THBS4: variants seen among roughly 807,000 people sequenced by gnomAD.
The protein encoded by THBS4 is thrombospondin 4.
In THBS4, 90 loss-of-function variants were observed where a neutral mutation model predicts 115.7. The ratio of observed to expected loss-of-function variants is 0.78; its 90% confidence interval spans 0.66 to 0.93. The LOEUF (loss-of-function observed/expected upper bound fraction) is 0.93. Among genes scored for constraint, THBS4 ranks in the 40% least tolerant of loss-of-function variants. THBS4 has a pLI of 0.00. For synonymous variants in THBS4, 460 were observed against 479.3 expected (o/e 0.96, Z 0.53); for missense variants, 1,087 against 1,232.7 (o/e 0.88, Z 1.77).
At chr5:80,026,185 A>G (rs949981948) in intron 2 of THBS4, among the ~76,000 whole-genome samples, 1 of 152,218 alleles carries the variant, frequency 6.6e-6, no homozygotes, top group Non-Finnish European at 1.5e-5. Context: ...TGAAATTTAT[A>G]TGAACCTGGA....
intron 2 of THBS4, among the ~76,000 whole-genome samples, chr5:80,024,512 C>T (rs576236592): frequency 1.3e-5 from 2 of 152,282 alleles, no homozygotes; most frequent in East Asian, 3.9e-4. Context: ...CTTTATTCAT[C>T]CAAGAGCGTA....
At chr5:79,996,854 A>T (rs1199742919) in intron 1 of THBS4, among the ~76,000 whole-genome samples, 3 of 152,194 alleles carry the variant, frequency 2.0e-5, no homozygotes, top group African/African-American at 7.2e-5. Flanking sequence ...TAAGGACCTT[A>T]TAATGGAAGT....
chr5:80,012,120 A>G (rs1329558110), intron 2 of THBS4, among the ~76,000 whole-genome samples: 1 of 151,988 alleles, frequency 6.6e-6, no homozygotes, highest in Non-Finnish European at 1.5e-5. Context: ...CCCTGAACCT[A>G]AAATAAAAAT....
intron 2 of THBS4, among the ~76,000 whole-genome samples, chr5:80,054,990 A>G (rs1392904043): frequency 2.6e-5 from 4 of 152,094 alleles, no homozygotes; most frequent in Non-Finnish European, 5.9e-5. Flanking sequence ...TTCCTTGTCC[A>G]TAGTTATTCC....
chr5:80,020,652 G>C (rs186789027), intron 2 of THBS4, among the ~76,000 whole-genome samples: 289 of 152,276 alleles, frequency 1.9e-3, no homozygotes, highest in African/African-American at 6.7e-3. Flanking sequence ...TGGTGTGATA[G>C]CAGCAGGCAG....
At chr5:80,073,353 G>GTCT (rs758085402) in intron 15 of THBS4, 26 bp downstream of exon 15, 1 of 1,609,364 alleles carries the variant, frequency 6.2e-7, no homozygotes, top group South Asian at 1.1e-5. Flanking sequence ...CAACTGCAGA[G>GTCT]AGACAGATGC....
At chr5:80,008,091 A>G (rs1832052642) in intron 2 of THBS4, among the ~76,000 whole-genome samples, 1 of 152,370 alleles carries the variant, frequency 6.6e-6, no homozygotes, top group African/African-American at 2.4e-5. Context: ...TGAAAATCAA[A>G]TTGGTATAAT....
intron 15 of THBS4, among the ~76,000 whole-genome samples, chr5:80,073,541 G>A (rs1743020430): frequency 6.6e-6 from 1 of 152,082 alleles, no homozygotes; most frequent in African/African-American, 2.4e-5. Context: ...CCGCTACCAT[G>A]CCTGGCTAAT....
At position 80,040,231 on chromosome 5, in the gene THBS4, TG is replaced by T; in HGVS notation, c.244del (p.Asp82ThrfsTer10). The T allele has an allele frequency of 6.2e-7, 1 of 1,614,100 alleles. No homozygotes were observed. The highest frequency in any genetic ancestry group is 1.3e-5 in the African/African-American group (1 of 75,034). ...CCATCTTCGGTCTTTACTCTTCAAC[TG>T]ACAACAGTAAATATTTTGAATTTAC... is the stretch of plus-strand genomic sequence containing the variant. ...ATIFGLYSST[D>X]NSKYFEFTVM... On this transcript the variant is annotated frameshift_variant, in exon 2 of 22. Transcript: ENST00000350881. LOFTEE classifies it high-confidence loss of function.
intron 1 of THBS4, chr5:80,036,112 T>C: frequency 1.0e-6 from 1 of 986,208 alleles, no homozygotes; most frequent in Non-Finnish European, 1.2e-6. Flanking sequence ...TTTTCTGCTC[T>C]GACTTTGCTT....
chr5:80,071,687 T>C (rs945639110), intron 13 of THBS4: 9 of 133,388 alleles, frequency 6.7e-5, no homozygotes, highest in Admixed American at 1.4e-4. Context: ...CACACACACA[T>C]ACACCACTCC....
chr5:79,995,711 T>C (rs1316225568), intron 1 of THBS4, among the ~76,000 whole-genome samples: 1 of 152,124 alleles, frequency 6.6e-6, no homozygotes, highest in East Asian at 1.9e-4. Flanking sequence ...GCTCTCTTTC[T>C]GACACTGGAG....
chr5:80,070,829 A>G, intron 12 of THBS4, 79 bp downstream of exon 12: 2 of 1,569,860 alleles, frequency 1.3e-6, no homozygotes, highest in East Asian at 4.5e-5. Flanking sequence ...TCAACTATGT[A>G]TATGAATCAT....
At position 80,055,934 on chromosome 5, in the gene THBS4, A is replaced by T. The variant is rs1833413417; in HGVS notation, c.442A>T (p.Ile148Phe). The change falls in exon 3 of 22, where the codon ATC (isoleucine) becomes TTC (phenylalanine). Residue 148 changes from isoleucine to phenylalanine, a missense_variant. Coordinates refer to ENST00000350881, the MANE Select transcript of THBS4 (RefSeq NM_003248.6). ...CTCCCTAGAGCTCTACCTGGACTGCATCCAGGTGGATTCCGTTCACAATCT... is the reference window on the plus strand; with the variant it reads ...CTCCCTAGAGCTCTACCTGGACTGCTTCCAGGTGGATTCCGTTCACAATCT... ...AGSLELYLDCIQVDSVHNLPR... is the reference protein window; with the variant it reads ...AGSLELYLDCFQVDSVHNLPR... The T allele has an allele frequency of 1.9e-6, 3 of 1,614,244 alleles. No individual in the cohort carries two copies. The highest frequency in any genetic ancestry group is 2.5e-6 in the Non-Finnish European group (3 of 1,180,034).
Position 80,078,914 on chromosome 5 carries a change from T to TC in THBS4, c.2266-6dup. On this transcript the variant is annotated splice_polypyrimidine_tract_variant and splice_region_variant and intron_variant, in intron 17 of 21. Transcript: ENST00000350881. ...ACTGTTCTGAACTCCCTCAACTCTCTCTGCAGGGCATGGAGATTGTACAGA... is the reference window on the plus strand; with the variant it reads ...ACTGTTCTGAACTCCCTCAACTCTCTCCTGCAGGGCATGGAGATTGTACAGA... 1 of 1,613,646 alleles carries TC rather than the reference T, an allele frequency of 6.2e-7. No individual in the cohort carries two copies. The highest frequency in any genetic ancestry group is 1.3e-5 in the African/African-American group (1 of 75,040).
intron 2 of THBS4, among the ~76,000 whole-genome samples, chr5:80,024,159 T>A (rs1832431504): frequency 6.6e-6 from 1 of 152,210 alleles, no homozygotes; most frequent in South Asian, 2.1e-4. Context: ...TATTGGCTTT[T>A]CCACTCACCT....
intron 21 of THBS4, 45 bp from the exon 22 acceptor site, chr5:80,083,035 G>GTCCGGGT (rs1561333426): frequency 6.3e-7 from 1 of 1,578,510 alleles, no homozygotes; most frequent in Admixed American, 1.7e-5. Context: ...GGGGTCCGGG[G>GTCCGGGT]TGGAAGGAGC....
rs759297357 is a variant in THBS4, at chr5:80,059,481, C to A, written c.774C>A (p.Cys258Ter). Residue 258 changes from cysteine (C) to a stop codon, truncating the protein, a stop_gained, in exon 6 of 22, where the codon TGC becomes TGA. Coordinates refer to ENST00000350881, the MANE Select transcript of THBS4 (RefSeq NM_003248.6). LOFTEE classifies it high-confidence loss of function. ...TTTTGCGAAACACCATAGCTGAATG[C>A]CAGGCTTGCGGTAAGTGCTTTTCTA... ...TSFLRNTIAE[C>*]QACGPLKFQS... 5 of 1,613,894 alleles carry A rather than the reference C, an allele frequency of 3.1e-6. No individual in the cohort carries two copies. Among genetic ancestry groups the A allele is most frequent in the Admixed American group, 3.3e-5 (2 of 60,000 alleles).
At chr5:80,009,907 A>C (rs1306388955) in intron 2 of THBS4, among the ~76,000 whole-genome samples, 1 of 152,096 alleles carries the variant, frequency 6.6e-6, no homozygotes, top group Non-Finnish European at 1.5e-5. Context: ...AGGAAGCAAG[A>C]GGATTGCTTG....
Sources: gnomAD v4.1 joint callset for allele counts (sites outside exome capture counted in the v4.1 genomes callset) on GRCh38, gnomAD v4.1.1 for gene constraint, MANE v1.5 for transcripts, NCBI Gene and HGNC (gene_info 2026-07-23, HGNC 2026-07-21) for gene names.